FN3KRP: variants seen among roughly 807,000 people sequenced by gnomAD.
FN3KRP encodes the protein ketosamine-3-kinase.
A neutral mutation model predicts 29.8 loss-of-function variants in FN3KRP; 33 were observed. That is an observed-to-expected ratio of 1.11 (90% CI 0.84 to 1.48). FN3KRP has a LOEUF of 1.48. Ranked by LOEUF, FN3KRP falls within the 40% of genes most tolerant of loss-of-function variation. The probability of loss-of-function intolerance (pLI) is 0.00; values close to 1 mark genes in which losing one functional copy is unlikely to be tolerated. For synonymous variants in FN3KRP, 157 were observed against 155.2 expected (o/e 1.01, Z -0.09); for missense variants, 430 against 402.6 (o/e 1.07, Z -0.58).
Position 82,716,795 on chromosome 17 carries a change from G to C in FN3KRP, c.40G>C (p.Val14Leu). ...GAGGCGCGAGCTGGGCTGCAGCTCT[G>C]TCAGGGCCACGGGCCACTCGGGGGG... is the stretch of plus-strand genomic sequence containing the variant. ...LLRRELGCSSVRATGHSGGGC... is the reference protein window; with the variant it reads ...LLRRELGCSSLRATGHSGGGC... Residue 14 changes from valine (V) to leucine (L), a missense_variant, in exon 1 of 6, where the codon GTC becomes CTC. Physicochemically the swap from Val to Leu is conservative, Grantham distance 32. Coordinates refer to ENST00000269373, the MANE Select transcript of FN3KRP (RefSeq NM_024619.4). 2 of 1,547,010 alleles carry C rather than the reference G, an allele frequency of 1.3e-6. No homozygotes were observed. The highest frequency in any genetic ancestry group is 2.4e-5 in the South Asian group (2 of 83,262).
chr17:82,719,201 G>T, intron 2 of FN3KRP, 144 bp downstream of exon 2: 1 of 737,008 alleles, frequency 1.4e-6, no homozygotes. Context: ...CCCCCCAGCT[G>T]GCTTCATGCC....
chr17:82,726,414 G>A (rs1321367664), intron 4 of FN3KRP, 66 bp from the exon 5 acceptor site: 1 of 1,568,370 alleles, frequency 6.4e-7, no homozygotes, highest in Non-Finnish European at 8.7e-7. Flanking sequence ...GATGCTTGTG[G>A]GTAGCTGAGC....
rs1038296991 is a variant in FN3KRP, at chr17:82,722,809, G to A, written c.391G>A (p.Gly131Arg). 8.1e-6 allele frequency: 13 copies of A among 1,613,812 alleles called. No individual in the cohort carries two copies. In the African/African-American group the frequency reaches 9.3e-5, roughly 12 times the overall value. The change falls in exon 4 of 6, where the codon GGA becomes AGA. Residue 131 changes from glycine to arginine, a missense_variant. Gly to Arg is a moderately radical substitution (Grantham distance 125). Coordinates refer to ENST00000269373, the MANE Select transcript of FN3KRP (RefSeq NM_024619.4). Reference sequence around the variant, plus strand: ...CTTTTACTTTTGCTTGCAAGGGAGAGGAGGTGGGCAGGAGGAACGGCCCTT... The same window carrying A: ...CTTTTACTTTTGCTTGCAAGGGAGAAGAGGTGGGCAGGAGGAACGGCCCTT... ...RLKEAGTVGR[G>R]GGQEERPFVA...
At chr17:82,716,963 C>A in intron 1 of FN3KRP, 67 bp downstream of exon 1, 1 of 1,524,570 alleles carries the variant, frequency 6.6e-7, no homozygotes, top group Non-Finnish European at 8.8e-7. Flanking sequence ...GGCCTCGGCG[C>A]GGGGCGCGGC....
intron 4 of FN3KRP, 89 bp from the exon 5 acceptor site, chr17:82,726,391 C>G (rs1488293051): frequency 3.9e-6 from 6 of 1,528,030 alleles, no homozygotes; most frequent in Non-Finnish European, 3.5e-6. Flanking sequence ...TCCTGCAGCC[C>G]TCTCCACTTT....
In FN3KRP at chr17:82,718,979, A is replaced by T. The variant is rs61743692; in HGVS notation, c.215A>T (p.Lys72Met). ...AAAACAAACACGGTGAAAGTGCCCA[A>T]GCCCATCAAGGTTCTGGATGCCCCA... ...ILKTNTVKVP[K>M]PIKVLDAPGG... Residue 72 changes from lysine to methionine, a missense_variant, in exon 2 of 6, where the codon AAG becomes ATG. Lys to Met is a moderately conservative substitution (Grantham distance 95, BLOSUM62 -1). Coordinates refer to ENST00000269373, the MANE Select transcript of FN3KRP (RefSeq NM_024619.4). The T allele has an allele frequency of 7.7e-3, 12,465 of 1,614,192 alleles. 93 individuals carry two copies. The highest frequency in any genetic ancestry group is 8.5e-3 in the Non-Finnish European group (10,080 of 1,180,028).
chr17:82,723,901 T>C lies in FN3KRP; in HGVS notation c.468+1015T>C, dbSNP rs532954176. On this transcript the variant is annotated intron_variant, in intron 4 of 5. Coordinates refer to ENST00000269373, the MANE Select transcript of FN3KRP (RefSeq NM_024619.4). ...CAGATGTCAGAAGTGAGCCATGGGG[T>C]TGGGGCAGGTCAGCCAGCTCTGGCC... 8.6e-5 allele frequency among the ~76,000 whole-genome samples: 13 copies of C among 151,934 alleles called. No homozygotes were observed. The South Asian group carries it at 2.1e-3, about 24-fold the overall frequency.
intron 3 of FN3KRP, 131 bp from the exon 4 acceptor site, chr17:82,722,673 C>A: frequency 1.3e-6 from 1 of 747,292 alleles, no homozygotes; most frequent in Non-Finnish European, 2.2e-6. Flanking sequence ...AGACCCAGGC[C>A]CTGTTTGTCT....
At chr17:82,717,026 C>T (rs971278383) in intron 1 of FN3KRP, 130 bp downstream of exon 1, 31 of 1,161,420 alleles carry the variant, frequency 2.7e-5, no homozygotes, top group Non-Finnish European at 3.3e-5. Flanking sequence ...CTGCCGCCGC[C>T]GCCCCTTGCG....
chr17:82,718,826 G>T (rs1041836388), intron 1 of FN3KRP, 80 bp from the exon 2 acceptor site: 1 of 1,506,352 alleles, frequency 6.6e-7, no homozygotes. Context: ...TGTAATGCTA[G>T]AGGAAAACAT....
At chr17:82,720,408 C>CT in intron 3 of FN3KRP, 45 bp downstream of exon 3, 1 of 1,515,358 alleles carries the variant, frequency 6.6e-7, no homozygotes. Context: ...TAGAGGAGGA[C>CT]GTTCAGCCGG....
Position 82,722,885 on chromosome 17 carries a change from A to T in FN3KRP, c.467A>T (p.Gln156Leu). Residue 156 changes from glutamine to leucine, a missense_variant and splice_region_variant, in exon 4 of 6, where the codon CAG becomes CTG. By Grantham distance (113) the Gln-to-Leu change is moderately radical. Coordinates refer to ENST00000269373, the MANE Select transcript of FN3KRP (RefSeq NM_024619.4). ...DVVTCCGYLP[Q>L]VNDWQEDWVV... is the part of the protein sequence containing the mutation. ...GTGACGTGCTGTGGATACCTCCCCC[A>T]GGTGAGTGCACGGCGTTTGCTTCTA... 6.2e-7 allele frequency: 1 copy of T among 1,613,804 alleles called. No individual in the cohort carries two copies. Among genetic ancestry groups the T allele is most frequent in the Non-Finnish European group, 8.5e-7 (1 of 1,179,734 alleles).
chr17:82,718,857 G>T, intron 1 of FN3KRP, 49 bp from the exon 2 acceptor site: 1 of 1,596,820 alleles, frequency 6.3e-7, no homozygotes, highest in Non-Finnish European at 8.6e-7. Flanking sequence ...CCTTCCGGAA[G>T]TAACCTTGCC....
intron 4 of FN3KRP, among the ~76,000 whole-genome samples, chr17:82,725,424 TC>T (rs1224549900): frequency 6.6e-6 from 1 of 152,022 alleles, no homozygotes; most frequent in Non-Finnish European, 1.5e-5. Flanking sequence ...TGCTCACCAC[TC>T]CCAGCCCCCT....
In FN3KRP at chr17:82,726,495, G is replaced by A. The variant is rs776008795; in HGVS notation, c.484G>A (p.Glu162Lys). 58 of 1,613,870 alleles carry A rather than the reference G, an allele frequency of 3.6e-5. No individual in the cohort carries two copies. The highest frequency in any genetic ancestry group is 1.7e-6 in the Non-Finnish European group (2 of 1,179,920). ...GYLPQVNDWQEDWVVFYARQR... is the reference protein window; with the variant it reads ...GYLPQVNDWQKDWVVFYARQR... ...TACTGTGCAGGTGAATGACTGGCAG[G>A]AGGACTGGGTCGTGTTCTATGCCCG... is the stretch of plus-strand genomic sequence containing the variant. Residue 162 changes from glutamate to lysine, a missense_variant, in exon 5 of 6, where the codon GAG (glutamate) becomes AAG (lysine). Transcript: ENST00000269373.
intron 4 of FN3KRP, among the ~76,000 whole-genome samples, chr17:82,723,442 G>A (rs560218830): frequency 1.6e-4 from 24 of 152,270 alleles, no homozygotes; most frequent in African/African-American, 5.1e-4. Flanking sequence ...GCCTGCTGGC[G>A]GGGGGTGGGG....
rs762790970 is a variant in FN3KRP at position 82,726,581 on chromosome 17, C to G, written c.570C>G (p.Leu190=). 3.7e-6 allele frequency: 6 copies of G among 1,613,606 alleles called. No homozygotes were observed. Among genetic ancestry groups the G allele is most frequent in the Non-Finnish European group, 5.1e-6 (6 of 1,179,816 alleles). The change falls in exon 5 of 6, where the codon CTC becomes CTG. Residue 190 remains leucine (L), a synonymous_variant. Coordinates refer to ENST00000269373, the MANE Select transcript of FN3KRP (RefSeq NM_024619.4). ...VEKESGDREA[L]QLWSALQLKI... Reference sequence around the variant, plus strand: ...AGGAGTCTGGGGACAGGGAGGCCCTCCAGCTTTGGTCTGCTCTGCAGGTGA... The same window carrying G: ...AGGAGTCTGGGGACAGGGAGGCCCTGCAGCTTTGGTCTGCTCTGCAGGTGA...
intron 2 of FN3KRP, among the ~76,000 whole-genome samples, chr17:82,719,471 C>A (rs2046783429): frequency 6.6e-6 from 1 of 152,260 alleles, no homozygotes; most frequent in South Asian, 2.1e-4. Context: ...GGCCTCGCTG[C>A]ACGCCGGCCG....
intron 4 of FN3KRP, among the ~76,000 whole-genome samples, chr17:82,725,742 T>A (rs1363021603): frequency 1.3e-5 from 2 of 152,250 alleles, no homozygotes; most frequent in African/African-American, 4.8e-5. Flanking sequence ...TTTACACGTA[T>A]GCAAAATGGC....
Sources: allele counts gnomAD v4.1 joint callset (sites outside exome capture counted in the v4.1 genomes callset), GRCh38; gene constraint gnomAD v4.1.1; transcripts MANE v1.5; gene names NCBI Gene and HGNC (gene_info 2026-07-23, HGNC 2026-07-21).